Variants in EPB41L4A observed in about 807,000 individuals in gnomAD.
EPB41L4A encodes the protein erythrocyte membrane protein band 4.1 like 4A.
Under a neutral mutation model 108.6 loss-of-function variants are expected in EPB41L4A, and 100 were observed. That is an observed-to-expected ratio of 0.92 (90% CI 0.78 to 1.09). The LOEUF (loss-of-function observed/expected upper bound fraction) is 1.09. Among genes scored for constraint, EPB41L4A ranks in the 50% least tolerant of loss-of-function variants. EPB41L4A has a pLI of 0.00. For missense variants in EPB41L4A, 1,030 were observed against 842.7 expected (o/e 1.22, Z -2.75); for synonymous variants, 319 against 289.0 (o/e 1.10, Z -1.05).
At chr5:112,209,766 T>C (rs890450294) in intron 13 of EPB41L4A, 126 bp downstream of exon 13, 5 of 545,800 alleles carry the variant, frequency 9.2e-6, no homozygotes, top group African/African-American at 5.8e-5. Context: ...CAGAGATTTA[T>C]TGGATCCCAT....
chr5:112,216,812 CAA>C (rs1350661903), intron 12 of EPB41L4A, among the ~76,000 whole-genome samples: 1 of 152,138 alleles, frequency 6.6e-6, no homozygotes, highest in Non-Finnish European at 1.5e-5. Context: ...ATTGACAGCT[CAA>C]AGTGACTTTG....
At chr5:112,275,719 G>T (rs1752586507) in intron 3 of EPB41L4A, among the ~76,000 whole-genome samples, 1 of 146,950 alleles carries the variant, frequency 6.8e-6, no homozygotes, top group African/African-American at 2.5e-5. Flanking sequence ...AGTGAAGAAA[G>T]AAAAAAAATA....
At chr5:112,321,737 A>G (rs535136248) in intron 1 of EPB41L4A, among the ~76,000 whole-genome samples, 30 of 152,216 alleles carry the variant, frequency 2.0e-4, no homozygotes, top group African/African-American at 3.6e-4. Context: ...AAATGTTCAA[A>G]TAATAGCATA....
At chr5:112,395,298 G>A (rs1243431530) in intron 1 of EPB41L4A, among the ~76,000 whole-genome samples, 3 of 152,188 alleles carry the variant, frequency 2.0e-5, no homozygotes, top group African/African-American at 4.8e-5. Flanking sequence ...TACCATCAGA[G>A]TGAACAGGCA....
intron 18 of EPB41L4A, among the ~76,000 whole-genome samples, chr5:112,178,756 ATATAGT>A (rs1420759897): frequency 6.6e-6 from 1 of 152,072 alleles, no homozygotes; most frequent in African/African-American, 2.4e-5. Flanking sequence ...AACATGTGAG[ATATAGT>A]TAAAGCATGG....
At chr5:112,337,093 GT>G (rs1203970031) in intron 1 of EPB41L4A, among the ~76,000 whole-genome samples, 1 of 152,128 alleles carries the variant, frequency 6.6e-6, no homozygotes, top group African/African-American at 2.4e-5. Context: ...AGCCTGTCAC[GT>G]GAAGGTTTTG....
chr5:112,214,929 T>A (rs899628543), intron 12 of EPB41L4A, among the ~76,000 whole-genome samples: 8 of 152,168 alleles, frequency 5.3e-5, no homozygotes, highest in Non-Finnish European at 1.2e-4. Context: ...TCATAAAATA[T>A]TTGACATATA....
intron 3 of EPB41L4A, among the ~76,000 whole-genome samples, chr5:112,275,978 A>C (rs1228483456): frequency 6.6e-6 from 1 of 152,216 alleles, no homozygotes; most frequent in African/African-American, 2.4e-5. Flanking sequence ...AAAAAGTATC[A>C]GTTAATATAT....
chr5:112,351,790 C>T (rs960110501), intron 1 of EPB41L4A, among the ~76,000 whole-genome samples: 1 of 152,144 alleles, frequency 6.6e-6, no homozygotes, highest in Non-Finnish European at 1.5e-5. Context: ...AAAAAAATAA[C>T]ATGTCATGAT....
chr5:112,393,644 T>C (rs543519650), intron 1 of EPB41L4A, among the ~76,000 whole-genome samples: 54 of 152,030 alleles, frequency 3.6e-4, no homozygotes, highest in African/African-American at 1.2e-3. Context: ...GATTCACAGG[T>C]GAATTTTACC....
chr5:112,391,115 A>G (rs542912157), intron 1 of EPB41L4A, among the ~76,000 whole-genome samples: 1 of 152,236 alleles, frequency 6.6e-6, no homozygotes, highest in Non-Finnish European at 1.5e-5. Flanking sequence ...AAAGATGGGG[A>G]GAAACCAGAG....
intron 1 of EPB41L4A, among the ~76,000 whole-genome samples, chr5:112,374,259 A>C (rs1408988414): frequency 6.6e-6 from 1 of 152,250 alleles, no homozygotes; most frequent in Admixed American, 6.5e-5. Context: ...GGAAACAAAA[A>C]GGCTGAGAAT....
Position 112,383,600 on chromosome 5 carries a change from CA to C in EPB41L4A, c.99+35340del, listed in dbSNP as rs147726535. 4.0e-3 allele frequency among the ~76,000 whole-genome samples: 602 copies of C among 152,192 alleles called. 2 individuals are homozygous for C. The highest frequency in any genetic ancestry group is 0.014 in the African/African-American group (579 of 41,524). ...AGTCTTAATTTAAAGAAAAAGGACA[CA>C]AGGGAACTACTAATAAATTAAAGAG... is the stretch of plus-strand genomic sequence containing the variant. On this transcript the variant is annotated intron_variant, in intron 1 of 22. Coordinates refer to ENST00000261486, the MANE Select transcript of EPB41L4A (RefSeq NM_022140.5).
intron 18 of EPB41L4A, among the ~76,000 whole-genome samples, chr5:112,171,638 A>C (rs989030571): frequency 6.6e-6 from 1 of 152,248 alleles, no homozygotes; most frequent in African/African-American, 2.4e-5. Context: ...CAGATATTAT[A>C]CCACTATCTT....
intron 1 of EPB41L4A, among the ~76,000 whole-genome samples, chr5:112,344,664 G>C (rs911984235): frequency 3.9e-5 from 6 of 152,338 alleles, no homozygotes; most frequent in Admixed American, 1.3e-4. Context: ...GCAGAATTGA[G>C]GCTTCTGGGA....
intron 14 of EPB41L4A, 79 bp from the exon 15 acceptor site, chr5:112,204,567 A>G: frequency 1.2e-6 from 1 of 844,294 alleles, no homozygotes; most frequent in South Asian, 1.5e-5. Context: ...ACCTATTCAT[A>G]ACTGCACAGC....
chr5:112,317,741 T>C (rs1454230776), intron 1 of EPB41L4A, among the ~76,000 whole-genome samples: 1 of 152,236 alleles, frequency 6.6e-6, no homozygotes, highest in East Asian at 1.9e-4. Context: ...AGGTCATTCT[T>C]CTAAAATTGT....
chr5:112,312,397 G>A (rs767746530), intron 1 of EPB41L4A, among the ~76,000 whole-genome samples: 39 of 152,168 alleles, frequency 2.6e-4, no homozygotes, highest in African/African-American at 7.0e-4. Context: ...ACCCTCTACC[G>A]AGAGGACACA....
chr5:112,247,758 G>A (rs887956688), intron 9 of EPB41L4A, among the ~76,000 whole-genome samples: 4 of 152,144 alleles, frequency 2.6e-5, no homozygotes, highest in Admixed American at 2.6e-4. Flanking sequence ...GAGAAACAAA[G>A]TATTCCGTCT....
Sources: allele counts gnomAD v4.1 joint callset (sites outside exome capture counted in the v4.1 genomes callset), GRCh38; gene constraint gnomAD v4.1.1; transcripts MANE v1.5; gene names NCBI Gene and HGNC (gene_info 2026-07-23, HGNC 2026-07-21).